The following ZNF407 variants were observed in gnomAD, a reference collection of about 807,000 sequenced individuals.
The protein encoded by ZNF407 is zinc finger protein 407.
A neutral mutation model predicts 131.2 loss-of-function variants in ZNF407; 17 were observed. The observed-to-expected ratio is 0.13, with a 90% confidence interval of 0.09 to 0.19. The LOEUF is 0.19. Ranked by LOEUF, ZNF407 falls within the 10% of genes least tolerant of loss-of-function variation. The probability of loss-of-function intolerance (pLI) is 1.00; values close to 1 mark genes in which losing one functional copy is unlikely to be tolerated. For missense variants in ZNF407, 2,681 were observed against 2,830.6 expected (o/e 0.95, Z 1.20); for synonymous variants, 1,156 against 1,062.0 (o/e 1.09, Z -1.72).
At chr18:75,050,913 T>C (rs1568312085) in intron 8 of ZNF407, among the ~76,000 whole-genome samples, 1 of 152,220 alleles carries the variant, frequency 6.6e-6, no homozygotes, top group Non-Finnish European at 1.5e-5. Context: ...CCAGAGCTCA[T>C]GCTCTTTCTC....
intron 3 of ZNF407, among the ~76,000 whole-genome samples, chr18:74,663,239 G>A (rs989849240): frequency 6.6e-6 from 1 of 152,184 alleles, no homozygotes; most frequent in East Asian, 1.9e-4. Context: ...GCTTGTCCCC[G>A]GGTAGCTCTT....
intron 8 of ZNF407, among the ~76,000 whole-genome samples, chr18:74,946,486 A>G (rs974149937): frequency 1.3e-4 from 20 of 152,328 alleles, no homozygotes; most frequent in Non-Finnish European, 2.2e-4. Flanking sequence ...TATTTTGTAA[A>G]TTGTTAAAAA....
At chr18:74,931,437 C>T (rs377736697) in intron 8 of ZNF407, among the ~76,000 whole-genome samples, 2 of 152,082 alleles carry the variant, frequency 1.3e-5, no homozygotes, top group Admixed American at 6.5e-5. Flanking sequence ...CACAAATGAC[C>T]GGCAAGCCAT....
chr18:74,773,413 G>A (rs1165228177), intron 3 of ZNF407, among the ~76,000 whole-genome samples: 10 of 142,412 alleles, frequency 7.0e-5, no homozygotes, highest in Admixed American at 1.3e-4. Flanking sequence ...CAAAGAAGAA[G>A]TGATCAGAAG....
intron 8 of ZNF407, among the ~76,000 whole-genome samples, chr18:75,016,892 T>G (rs1973050963): frequency 6.6e-6 from 1 of 152,148 alleles, no homozygotes; most frequent in African/African-American, 2.4e-5. Flanking sequence ...GCCACTGTTA[T>G]CACAATTGCC....
chr18:74,728,261 A>G (rs1968207317), intron 3 of ZNF407, among the ~76,000 whole-genome samples: 1 of 152,210 alleles, frequency 6.6e-6, no homozygotes, highest in Admixed American at 6.5e-5. Context: ...AACAAATTCA[A>G]GACAATCTCA....
intron 4 of ZNF407, among the ~76,000 whole-genome samples, chr18:74,790,267 T>C (rs1969801353): frequency 6.6e-6 from 1 of 152,206 alleles, no homozygotes; most frequent in Non-Finnish European, 1.5e-5. Flanking sequence ...ATGACAATTA[T>C]TTCATTCTCT....
intron 3 of ZNF407, among the ~76,000 whole-genome samples, chr18:74,758,695 A>C (rs758034522): frequency 3.3e-5 from 5 of 152,048 alleles, no homozygotes; most frequent in Non-Finnish European, 5.9e-5. Flanking sequence ...AGTTCAAGCG[A>C]TTCTCCTGCC....
intron 1 of ZNF407, among the ~76,000 whole-genome samples, chr18:74,609,314 A>G (rs985025447): frequency 3.3e-5 from 5 of 152,184 alleles, no homozygotes; most frequent in Non-Finnish European, 5.9e-5. Context: ...TTGTGTGAAC[A>G]TCACAGAGTA....
chr18:74,715,467 C>T (rs1445463385), intron 3 of ZNF407, among the ~76,000 whole-genome samples: 3 of 152,130 alleles, frequency 2.0e-5, no homozygotes, highest in Non-Finnish European at 4.4e-5. Flanking sequence ...GTGGTGGAGG[C>T]GCTGGTGACT....
At chr18:74,793,031 C>G (rs1242470757) in intron 4 of ZNF407, among the ~76,000 whole-genome samples, 1 of 152,194 alleles carries the variant, frequency 6.6e-6, no homozygotes, top group African/African-American at 2.4e-5. Context: ...CTAAGACATG[C>G]AACTTAAATT....
rs555604684 is a variant in ZNF407 at position 74,630,315 on chromosome 18, C to T, written c.-53-652C>T. The stretch of plus-strand genomic sequence containing the variant: ...CCTACCGAGTAGCTGGGACTACAGG[C>T]GCCTGCCACCATACCTGGCTAATTT... On this transcript the variant is annotated intron_variant, in intron 1 of 8. Transcript: ENST00000299687. Among the ~76,000 whole-genome samples the T allele has an allele frequency of 5.9e-4, 89 of 152,024 alleles. 2 individuals carry two copies. The highest frequency in any genetic ancestry group is 2.0e-3 in the African/African-American group (82 of 41,448).
At chr18:74,661,767 A>G (rs916946996) in intron 3 of ZNF407, among the ~76,000 whole-genome samples, 1 of 152,248 alleles carries the variant, frequency 6.6e-6, no homozygotes, top group Non-Finnish European at 1.5e-5. Context: ...CTACTAAGCT[A>G]TATGCCTAGG....
intron 4 of ZNF407, among the ~76,000 whole-genome samples, chr18:74,819,748 C>T (rs1056993104): frequency 1.3e-5 from 2 of 152,188 alleles, no homozygotes; most frequent in Non-Finnish European, 2.9e-5. Flanking sequence ...CCAAAGGCAC[C>T]ATGCAGGTTT....
chr18:75,029,410 C>T (rs918750150), intron 8 of ZNF407, among the ~76,000 whole-genome samples: 1 of 152,208 alleles, frequency 6.6e-6, no homozygotes, highest in Non-Finnish European at 1.5e-5. Context: ...ACCAAGACTC[C>T]TCTCATACTC....
chr18:74,631,382 A>T lies in ZNF407; in HGVS notation c.363A>T (p.Thr121=). ...TGKETFLSDC[T]VGGTCLPNAL... Reference sequence around the variant, plus strand: ...AGGAGACCTTTCTGAGTGACTGCACAGTTGGAGGCACATGTCTCCCAAATG... The same window carrying T: ...AGGAGACCTTTCTGAGTGACTGCACTGTTGGAGGCACATGTCTCCCAAATG... Residue 121 remains threonine (T), a synonymous_variant, in exon 2 of 9, where the codon ACA becomes ACT. Coordinates refer to ENST00000299687, the MANE Select transcript of ZNF407 (RefSeq NM_017757.3). 1.2e-6 allele frequency: 2 copies of T among 1,614,038 alleles called. 1 individual carries two copies. The highest frequency in any genetic ancestry group is 1.7e-6 in the Non-Finnish European group (2 of 1,179,892).
chr18:74,805,843 T>C (rs1476643108), intron 4 of ZNF407, among the ~76,000 whole-genome samples: 4 of 152,206 alleles, frequency 2.6e-5, no homozygotes, highest in Non-Finnish European at 5.9e-5. Context: ...TTGAGCATTG[T>C]GCAAGCAAAT....
rs76201644 is a variant in ZNF407, at chr18:75,034,873, C to A, written c.5429-28277C>A. 1.3e-4 allele frequency among the ~76,000 whole-genome samples: 20 copies of A among 152,236 alleles called. No homozygotes were observed. In the South Asian group the frequency reaches 3.5e-3, roughly 27 times the overall value. Reference sequence around the variant, plus strand: ...TTGACATGTGGGAGGTTAATGTATACACTTTAGATTCCTCGCTTGGTTTGC... The same window carrying A: ...TTGACATGTGGGAGGTTAATGTATAAACTTTAGATTCCTCGCTTGGTTTGC... On this transcript the variant is annotated intron_variant, in intron 8 of 8. Coordinates refer to ENST00000299687, the MANE Select transcript of ZNF407 (RefSeq NM_017757.3).
At chr18:75,037,678 A>G (rs1262553044) in intron 8 of ZNF407, among the ~76,000 whole-genome samples, 2 of 152,170 alleles carry the variant, frequency 1.3e-5, no homozygotes, top group Admixed American at 6.5e-5. Context: ...CTCGCGCTGG[A>G]ATTTCTTTCG....
Sources: gnomAD v4.1 joint callset for allele counts (sites outside exome capture counted in the v4.1 genomes callset) on GRCh38, gnomAD v4.1.1 for gene constraint, MANE v1.5 for transcripts, NCBI Gene and HGNC (gene_info 2026-07-23, HGNC 2026-07-21) for gene names.